CSMD1: variants seen among roughly 807,000 people sequenced by gnomAD.
CSMD1 encodes the protein CUB and Sushi multiple domains 1, also known as CUB and sushi domain-containing protein 1.
CSMD1 carries 213 observed loss-of-function variants against 417.5 expected under a neutral mutation model. The ratio of observed to expected loss-of-function variants is 0.51; its 90% CI spans 0.46 to 0.57. The LOEUF (loss-of-function observed/expected upper bound fraction) is 0.57. CSMD1 is among the 20% of genes least tolerant of loss of function. CSMD1 has a pLI of 0.00. For missense variants in CSMD1, 6,923 were observed against 4,529.7 expected (o/e 1.53, Z -15.17); for synonymous variants, 2,862 against 1,736.8 (o/e 1.65, Z -16.11).
intron 3 of CSMD1, among the ~76,000 whole-genome samples, chr8:4,149,179 G>C (rs1445031156): frequency 1.3e-5 from 2 of 152,044 alleles, no homozygotes; most frequent in East Asian, 1.9e-4. Context: ...GGCTAGGCTG[G>C]TCTCGAACTC....
At chr8:3,202,053 A>C (rs994979047) in intron 31 of CSMD1, among the ~76,000 whole-genome samples, 1 of 152,180 alleles carries the variant, frequency 6.6e-6, no homozygotes, top group African/African-American at 2.4e-5. Flanking sequence ...CTGTAATCCC[A>C]GTACTTTGGG....
intron 17 of CSMD1, among the ~76,000 whole-genome samples, chr8:3,394,314 G>C (rs1811555776): frequency 1.3e-5 from 2 of 148,412 alleles, no homozygotes; most frequent in South Asian, 4.2e-4. Context: ...ATATTAGTGA[G>C]GATGACAAGC....
chr8:4,397,808 T>A (rs1261503481), intron 3 of CSMD1, among the ~76,000 whole-genome samples: 1 of 152,114 alleles, frequency 6.6e-6, no homozygotes, highest in East Asian at 1.9e-4. Context: ...ACATGCTAAT[T>A]ATACAATATT....
intron 5 of CSMD1, among the ~76,000 whole-genome samples, chr8:3,879,970 G>C (rs1212094035): frequency 1.3e-5 from 2 of 152,038 alleles, no homozygotes; most frequent in Non-Finnish European, 2.9e-5. Context: ...GGTTAGAATT[G>C]TATTAAGATG....
chr8:4,878,878 C>G (rs1803214466), intron 1 of CSMD1, among the ~76,000 whole-genome samples: 1 of 149,818 alleles, frequency 6.7e-6, no homozygotes, highest in African/African-American at 2.5e-5. Flanking sequence ...AACCCAGACA[C>G]ACAAAAAGCT....
At chr8:3,920,910 T>C (rs2688297) in intron 5 of CSMD1, among the ~76,000 whole-genome samples, 140,373 of 151,990 alleles carry the variant, frequency 0.92, 64,883 homozygotes, top group East Asian at 0.97. Context: ...CTATTTTGAT[T>C]ACAGACATTG....
chr8:3,960,252 A>G (rs932196807), intron 5 of CSMD1, among the ~76,000 whole-genome samples: 1 of 152,214 alleles, frequency 6.6e-6, no homozygotes. Flanking sequence ...CACATTCTGG[A>G]AACAGCAAAT....
intron 12 of CSMD1, among the ~76,000 whole-genome samples, chr8:3,441,970 G>T (rs998694926): frequency 6.6e-6 from 1 of 151,852 alleles, no homozygotes; most frequent in Non-Finnish European, 1.5e-5. Flanking sequence ...CTTTCCAGTG[G>T]GACAAGATGT....
chr8:4,150,932 A>G (rs1186159617), intron 3 of CSMD1, among the ~76,000 whole-genome samples: 1 of 152,142 alleles, frequency 6.6e-6, no homozygotes, highest in Non-Finnish European at 1.5e-5. Context: ...TGCTTTAATT[A>G]CAGTCTGCAA....
intron 2 of CSMD1, among the ~76,000 whole-genome samples, chr8:4,502,560 T>A (rs557151703): frequency 6.6e-6 from 1 of 152,280 alleles, no homozygotes; most frequent in Admixed American, 6.5e-5. Context: ...ATTATGTTAT[T>A]TCAGACAAAA....
At chr8:2,951,839 T>G (rs1385039053) in intron 65 of CSMD1, among the ~76,000 whole-genome samples, 1 of 152,208 alleles carries the variant, frequency 6.6e-6, no homozygotes, top group Non-Finnish European at 1.5e-5. Flanking sequence ...TCTCTGTCAT[T>G]CATACTCTTC....
At chr8:4,828,144 G>A (rs951464230) in intron 1 of CSMD1, among the ~76,000 whole-genome samples, 1 of 151,996 alleles carries the variant, frequency 6.6e-6, no homozygotes, top group Non-Finnish European at 1.5e-5. Flanking sequence ...TATCCCACGA[G>A]GAAATTCACT....
chr8:3,943,359 T>C (rs1315627114), intron 5 of CSMD1, among the ~76,000 whole-genome samples: 1 of 138,124 alleles, frequency 7.2e-6, no homozygotes, highest in Non-Finnish European at 1.6e-5. Context: ...TCAATTTTGT[T>C]AAAAAAAAAA....
intron 6 of CSMD1, among the ~76,000 whole-genome samples, chr8:3,740,046 C>T (rs1301322717): frequency 6.6e-6 from 1 of 152,146 alleles, no homozygotes; most frequent in Non-Finnish European, 1.5e-5. Flanking sequence ...TAGCCACTTA[C>T]AATATGCTGT....
At chr8:3,870,218 CT>C (rs1805386126) in intron 5 of CSMD1, among the ~76,000 whole-genome samples, 1 of 152,134 alleles carries the variant, frequency 6.6e-6, no homozygotes, top group South Asian at 2.1e-4. Flanking sequence ...CCATATTTCT[CT>C]TTCTAGCAAA....
At chr8:3,447,728 G>C (rs1815390294) in intron 12 of CSMD1, among the ~76,000 whole-genome samples, 1 of 152,194 alleles carries the variant, frequency 6.6e-6, no homozygotes, top group African/African-American at 2.4e-5. Context: ...TGCAGGGATG[G>C]ACAGGTCACT....
rs545912511 is a variant in CSMD1 at position 4,441,369 on chromosome 8, T to A, written c.303-21304A>T. ...CCCAAGCAATCCTCCTGTCTGAGCCTCCTAAAGTGCTGTAATCACAGGCAT... is the reference window on the plus strand; with the variant it reads ...CCCAAGCAATCCTCCTGTCTGAGCCACCTAAAGTGCTGTAATCACAGGCAT... On this transcript the variant is annotated intron_variant, in intron 2 of 69. Coordinates refer to ENST00000635120, the MANE Select transcript of CSMD1 (RefSeq NM_033225.6). 6.8e-5 allele frequency among the ~76,000 whole-genome samples: 10 copies of A among 147,446 alleles called. No individual in the cohort carries two copies. The East Asian group carries it at 1.3e-3, about 19-fold the overall frequency.
intron 1 of CSMD1, among the ~76,000 whole-genome samples, chr8:4,774,808 C>T (rs1166392468): frequency 2.6e-5 from 4 of 151,598 alleles, no homozygotes; most frequent in African/African-American, 4.9e-5. Context: ...AACCCCCACT[C>T]GCTCTTTCTC....
intron 1 of CSMD1, among the ~76,000 whole-genome samples, chr8:4,779,410 A>C (rs1291741934): frequency 1.3e-5 from 2 of 152,338 alleles, no homozygotes; most frequent in Non-Finnish European, 2.9e-5. Flanking sequence ...TACTACCAGC[A>C]ACATTACCCC....
Sources: gnomAD v4.1 joint callset for allele counts (sites outside exome capture counted in the v4.1 genomes callset) on GRCh38, gnomAD v4.1.1 for gene constraint, MANE v1.5 for transcripts, NCBI Gene and HGNC (gene_info 2026-07-23, HGNC 2026-07-21) for gene names.